The following SLC24A3 variants were observed in gnomAD, a reference collection of about 807,000 sequenced individuals.
SLC24A3 encodes solute carrier family 24 member 3.
Under a neutral mutation model 75.8 loss-of-function variants are expected in SLC24A3, and 28 were observed. The ratio of observed to expected loss-of-function variants is 0.37; its 90% CI spans 0.27 to 0.51. SLC24A3 has a LOEUF of 0.51. Ranked by LOEUF, SLC24A3 falls within the 20% of genes least tolerant of loss-of-function variation. SLC24A3 has a pLI of 0.94. For synonymous variants in SLC24A3, 372 were observed against 334.1 expected (o/e 1.11, Z -1.24); for missense variants, 663 against 847.8 (o/e 0.78, Z 2.71).
chr20:19,505,203 G>A (rs1988444587), intron 2 of SLC24A3, among the ~76,000 whole-genome samples: 1 of 152,148 alleles, frequency 6.6e-6, no homozygotes, highest in African/African-American at 2.4e-5. Flanking sequence ...TCTTAAGTGG[G>A]AACCAAGGGG....
chr20:19,493,395 C>T (rs1988234895), intron 2 of SLC24A3, among the ~76,000 whole-genome samples: 1 of 152,152 alleles, frequency 6.6e-6, no homozygotes, highest in African/African-American at 2.4e-5. Flanking sequence ...CGGGTGAACA[C>T]TGTCTATTTA....
rs6112479 is a variant in SLC24A3 at position 19,588,991 on chromosome 20, C to G, written c.612+3447C>G. On this transcript the variant is annotated intron_variant, in intron 6 of 16. Transcript: ENST00000328041. ...CCTGATGTTCTTTGGCAAGGCCCAT[C>G]TCATCTTGGCTGGGTTTGCCTTTCT... Among the ~76,000 whole-genome samples, 93 of 152,368 alleles carry G rather than the reference C, an allele frequency of 6.1e-4. 2 individuals are homozygous for G. In the South Asian group the frequency reaches 6.2e-3, roughly 10 times the overall value.
chr20:19,704,806 G>A (rs1181923607), intron 15 of SLC24A3, among the ~76,000 whole-genome samples: 1 of 152,184 alleles, frequency 6.6e-6, no homozygotes, highest in Non-Finnish European at 1.5e-5. Flanking sequence ...ATGCTGGGCA[G>A]AGGTAGTGCA....
chr20:19,234,365 G>T (rs1982107095), intron 1 of SLC24A3, among the ~76,000 whole-genome samples: 1 of 152,250 alleles, frequency 6.6e-6, no homozygotes. Flanking sequence ...AAGCACTGCT[G>T]TGAAACAGGG....
At chr20:19,591,352 G>T (rs542081023) in intron 6 of SLC24A3, among the ~76,000 whole-genome samples, 3 of 152,118 alleles carry the variant, frequency 2.0e-5, no homozygotes, top group African/African-American at 7.2e-5. Flanking sequence ...ACTCTAACTG[G>T]CTTCTTAAAT....
At chr20:19,585,296 T>A (rs2031279301) in intron 5 of SLC24A3, 145 bp from the exon 6 acceptor site, 1 of 807,320 alleles carries the variant, frequency 1.2e-6, no homozygotes, top group East Asian at 2.5e-5. Flanking sequence ...CTATCATCCC[T>A]CTGTAGATTA....
At chr20:19,632,670 C>A (rs1330228379) in intron 6 of SLC24A3, among the ~76,000 whole-genome samples, 1 of 152,344 alleles carries the variant, frequency 6.6e-6, no homozygotes, top group South Asian at 2.1e-4. Context: ...ATACCAGGCA[C>A]TGTGTTTTTA....
At chr20:19,447,376 C>G (rs1208631234) in intron 2 of SLC24A3, among the ~76,000 whole-genome samples, 1 of 152,016 alleles carries the variant, frequency 6.6e-6, no homozygotes, top group Non-Finnish European at 1.5e-5. Flanking sequence ...GTTGTTTGCT[C>G]TGGAGAATGA....
intron 2 of SLC24A3, among the ~76,000 whole-genome samples, chr20:19,396,786 A>C (rs1986460956): frequency 6.6e-6 from 1 of 152,234 alleles, no homozygotes; most frequent in South Asian, 2.1e-4. Context: ...GTGTCTAAAA[A>C]ATATGCAGTC....
chr20:19,421,707 G>A (rs1471038136), intron 2 of SLC24A3, among the ~76,000 whole-genome samples: 2 of 151,776 alleles, frequency 1.3e-5, no homozygotes, highest in Non-Finnish European at 2.9e-5. Flanking sequence ...GGGCAAAAAG[G>A]AAAAAAAAGT....
intron 2 of SLC24A3, among the ~76,000 whole-genome samples, chr20:19,379,744 CAAT>C (rs1333447168): frequency 3.9e-5 from 6 of 152,312 alleles, no homozygotes; most frequent in Non-Finnish European, 5.9e-5. Context: ...ACAACAACAA[CAAT>C]GACAAACACC....
chr20:19,309,175 G>T (rs578023138), intron 2 of SLC24A3, among the ~76,000 whole-genome samples: 1 of 152,038 alleles, frequency 6.6e-6, no homozygotes, highest in Admixed American at 6.5e-5. Flanking sequence ...GTTTCATCCC[G>T]ACAGCAGATC....
At chr20:19,390,474 G>T (rs149729628) in intron 2 of SLC24A3, among the ~76,000 whole-genome samples, 1 of 152,038 alleles carries the variant, frequency 6.6e-6, no homozygotes, top group African/African-American at 2.4e-5. Flanking sequence ...ACAGGGGCTG[G>T]CTTGGAGGCT....
intron 2 of SLC24A3, among the ~76,000 whole-genome samples, chr20:19,286,664 G>T (rs768604194): frequency 2.0e-5 from 3 of 152,164 alleles, no homozygotes; most frequent in Non-Finnish European, 4.4e-5. Context: ...GAAAATCTGA[G>T]GTCTGCACAA....
intron 15 of SLC24A3, among the ~76,000 whole-genome samples, chr20:19,705,120 T>C (rs2032915173): frequency 6.6e-6 from 1 of 152,202 alleles, no homozygotes; most frequent in African/African-American, 2.4e-5. Flanking sequence ...GGTCTGCTTA[T>C]TAATGCTTAG....
intron 1 of SLC24A3, among the ~76,000 whole-genome samples, chr20:19,246,653 C>T (rs908917054): frequency 2.0e-5 from 3 of 152,136 alleles, no homozygotes; most frequent in Non-Finnish European, 4.4e-5. Flanking sequence ...TTATTTAAAT[C>T]TATGATGTAA....
At chr20:19,558,694 C>G (rs1201096791) in intron 3 of SLC24A3, among the ~76,000 whole-genome samples, 1 of 152,122 alleles carries the variant, frequency 6.6e-6, no homozygotes, top group Non-Finnish European at 1.5e-5. Flanking sequence ...ACCACAGTGA[C>G]GTTGTACAGC....
intron 1 of SLC24A3, among the ~76,000 whole-genome samples, chr20:19,278,944 G>C (rs1983573227): frequency 6.6e-6 from 1 of 152,218 alleles, no homozygotes; most frequent in Admixed American, 6.5e-5. Context: ...CAGGCATTGT[G>C]ATTTCCAGAC....
At chr20:19,345,219 A>T (rs1481955007) in intron 2 of SLC24A3, among the ~76,000 whole-genome samples, 1 of 152,220 alleles carries the variant, frequency 6.6e-6, no homozygotes, top group African/African-American at 2.4e-5. Flanking sequence ...CAAAATATAT[A>T]CAAGACTGAT....
Sources: gnomAD v4.1 joint callset for allele counts (sites outside exome capture counted in the v4.1 genomes callset) on GRCh38, gnomAD v4.1.1 for gene constraint, MANE v1.5 for transcripts, NCBI Gene and HGNC (gene_info 2026-07-23, HGNC 2026-07-21) for gene names.